CEP128: variants seen among roughly 807,000 people sequenced by gnomAD.
CEP128 encodes the protein centrosomal protein 128kDa.
In CEP128, 132 loss-of-function variants were observed where a neutral mutation model predicts 156.7. That is an observed-to-expected ratio of 0.84 (90% CI 0.73 to 0.97). The LOEUF (loss-of-function observed/expected upper bound fraction) is 0.97, where lower values mean the gene tolerates loss of function less well. Among genes scored for constraint, CEP128 ranks in the 50% least tolerant of loss-of-function variants. CEP128 has a pLI of 0.00. For missense variants in CEP128, 1,252 were observed against 1,281.9 expected (o/e 0.98, Z 0.36); for synonymous variants, 469 against 448.9 (o/e 1.04, Z -0.57).
chr14:80,773,825 A>G (rs1278349709), intron 16 of CEP128, among the ~76,000 whole-genome samples: 1 of 152,242 alleles, frequency 6.6e-6, no homozygotes, highest in African/African-American at 2.4e-5. Flanking sequence ...AGAAGAATCA[A>G]ATATTTCACC....
intron 19 of CEP128, among the ~76,000 whole-genome samples, chr14:80,675,189 G>A (rs1361797528): frequency 6.6e-6 from 1 of 151,958 alleles, no homozygotes; most frequent in Non-Finnish European, 1.5e-5. Flanking sequence ...ATAAGGCCTT[G>A]CTATTCAAAG....
chr14:80,806,742 A>G (rs1884198410), intron 13 of CEP128, among the ~76,000 whole-genome samples: 1 of 152,216 alleles, frequency 6.6e-6, no homozygotes, highest in African/African-American at 2.4e-5. Context: ...ACATACACCT[A>G]TATCTCACCA....
chr14:80,900,338 A>G (rs1247992247), intron 6 of CEP128, among the ~76,000 whole-genome samples: 3 of 152,214 alleles, frequency 2.0e-5, no homozygotes, highest in African/African-American at 7.2e-5. Flanking sequence ...AGAGAGCGAG[A>G]AAGAAGGAGA....
intron 2 of CEP128, among the ~76,000 whole-genome samples, chr14:80,927,142 A>T (rs1885194852): frequency 6.6e-6 from 1 of 152,032 alleles, no homozygotes; most frequent in Admixed American, 6.6e-5. Flanking sequence ...AGAAACTGCT[A>T]CTCCTAGGGT....
chr14:80,607,994 T>A lies in CEP128; in HGVS notation c.2807-27571A>T, dbSNP rs547002859. On this transcript the variant is annotated intron_variant, in intron 19 of 24. Transcript: ENST00000555265. ...CTGGCTTTCTGCTCTTCAAAGAGCC[T>A]GTCATTAACATCGCCTCAGGGCCTT... 3.3e-5 allele frequency among the ~76,000 whole-genome samples: 5 copies of A among 152,304 alleles called. No homozygotes were observed. The East Asian group carries it at 7.7e-4, about 24-fold the overall frequency.
At chr14:80,485,237 C>CA (rs1566733504) in intron 14 of CEP128, among the ~76,000 whole-genome samples, 1 of 152,038 alleles carries the variant, frequency 6.6e-6, no homozygotes, top group Non-Finnish European at 1.5e-5. Flanking sequence ...AAAGGTTGCC[C>CA]AAAAACAAAA....
At chr14:80,712,426 T>C (rs958727209) in intron 19 of CEP128, among the ~76,000 whole-genome samples, 3 of 152,172 alleles carry the variant, frequency 2.0e-5, no homozygotes, top group African/African-American at 7.2e-5. Flanking sequence ...CCAACCCCTA[T>C]TACTCCCTCA....
At chr14:80,680,628 A>G (rs1002848724) in intron 19 of CEP128, among the ~76,000 whole-genome samples, 3 of 152,142 alleles carry the variant, frequency 2.0e-5, no homozygotes, top group African/African-American at 7.2e-5. Flanking sequence ...GTGGTATAGT[A>G]GGACCCTCTG....
At chr14:80,786,497 CA>C (rs1004369989) in intron 14 of CEP128, among the ~76,000 whole-genome samples, 4 of 151,624 alleles carry the variant, frequency 2.6e-5, no homozygotes, top group South Asian at 2.1e-4. Flanking sequence ...TCAATCACTC[CA>C]AAAAAAAGTT....
At chr14:80,805,940 C>T (rs1477786764) in intron 13 of CEP128, among the ~76,000 whole-genome samples, 1 of 152,128 alleles carries the variant, frequency 6.6e-6, no homozygotes, top group Non-Finnish European at 1.5e-5. Context: ...TTCTTTTCAA[C>T]TCAAGCAAAA....
At chr14:80,805,135 G>GTTT (rs1884102317) in intron 13 of CEP128, among the ~76,000 whole-genome samples, 1 of 151,714 alleles carries the variant, frequency 6.6e-6, no homozygotes, top group Admixed American at 6.6e-5. Context: ...AAACCTCAAG[G>GTTT]TTTATCCCAA....
rs553037092 is a variant in CEP128 at position 80,952,751 on chromosome 14, C to G, written c.-172+5427G>C. ...GAGAATATGAATAAAATTGATAACC[C>G]TCTGGATAAAGTACTTAGGTGAAAA... is the stretch of plus-strand genomic sequence containing the variant. On this transcript the variant is annotated intron_variant, in intron 2 of 7. Transcript: ENST00000555529. Among the ~76,000 whole-genome samples the G allele has an allele frequency of 2.0e-5, 3 of 151,858 alleles. No homozygotes were observed. In the East Asian group the frequency reaches 5.8e-4, roughly 29 times the overall value.
chr14:80,628,314 T>G (rs1445318673), intron 19 of CEP128, among the ~76,000 whole-genome samples: 5 of 152,188 alleles, frequency 3.3e-5, no homozygotes, highest in Admixed American at 3.3e-4. Context: ...GTTTCCTCAC[T>G]TTTTAAAACA....
In CEP128 at chr14:80,647,320, A is replaced by G. The variant is rs1168999716; in HGVS notation, c.2807-66897T>C. Among the ~76,000 whole-genome samples, 7 of 151,556 alleles carry G rather than the reference A, an allele frequency of 4.6e-5. No homozygotes were observed. The South Asian group carries it at 6.2e-4, about 14-fold the overall frequency. Reference sequence around the variant, plus strand: ...TTTGTTCACTCAGCTTGTTTTCTCTATAAGACTTTCTAATCTCATTCTCTA... The same window carrying G: ...TTTGTTCACTCAGCTTGTTTTCTCTGTAAGACTTTCTAATCTCATTCTCTA... On this transcript the variant is annotated intron_variant, in intron 19 of 24. Coordinates refer to ENST00000555265, the MANE Select transcript of CEP128 (RefSeq NM_152446.5).
In CEP128 at chr14:80,530,888, T is replaced by C; in HGVS notation, c.2881-2A>G. The C allele has an allele frequency of 1.3e-6, 2 of 1,593,740 alleles. No individual in the cohort carries two copies. Among genetic ancestry groups the C allele is most frequent in the Non-Finnish European group, 1.7e-6 (2 of 1,167,930 alleles). ...ATGGTCCAAGGCCACTTGGGTACTC[T>C]GAAATAGAAAACATAAGGAAACCAA... On this transcript the variant is annotated splice_acceptor_variant, in intron 21 of 24. Transcript: ENST00000555265. LOFTEE classifies it high-confidence loss of function.
At chr14:80,796,227 G>A (rs1185878824) in intron 13 of CEP128, among the ~76,000 whole-genome samples, 1 of 152,198 alleles carries the variant, frequency 6.6e-6, no homozygotes, top group Admixed American at 6.5e-5. Context: ...GGGAGGCCGA[G>A]GTGGGCGGAT....
intron 2 of CEP128, among the ~76,000 whole-genome samples, chr14:80,936,240 G>A (rs1212740677): frequency 6.6e-6 from 1 of 152,190 alleles, no homozygotes; most frequent in Non-Finnish European, 1.5e-5. Context: ...TATCAGGCCA[G>A]GCACAGTGGC....
chr14:80,923,819 C>T (rs1187946861), intron 2 of CEP128, among the ~76,000 whole-genome samples: 1 of 152,162 alleles, frequency 6.6e-6, no homozygotes, highest in Non-Finnish European at 1.5e-5. Flanking sequence ...ATTGTAATCC[C>T]CATAATCCCC....
downstream of CEP128, among the ~76,000 whole-genome samples, chr14:80,494,200 T>C (rs562015917): frequency 4.6e-5 from 7 of 152,354 alleles, no homozygotes; most frequent in Non-Finnish European, 1.0e-4. Context: ...ATACAAACTT[T>C]CCAAAATTTC....
Sources: gnomAD v4.1 joint callset for allele counts (sites outside exome capture counted in the v4.1 genomes callset) on GRCh38, gnomAD v4.1.1 for gene constraint, MANE v1.5 for transcripts, NCBI Gene and HGNC (gene_info 2026-07-23, HGNC 2026-07-21) for gene names.